The following TCF12 variants were observed in gnomAD, a reference collection of about 807,000 sequenced individuals.
TCF12 encodes the protein transcription factor 12, also known as DNA-binding protein HTF4.
A neutral mutation model predicts 86.0 loss-of-function variants in TCF12; 45 were observed. The observed-to-expected ratio is 0.52, with a 90% CI of 0.41 to 0.67. The LOEUF (loss-of-function observed/expected upper bound fraction) is 0.67. Among genes scored for constraint, TCF12 ranks in the 30% least tolerant of loss-of-function variants. The pLI, the probability that TCF12 is intolerant of heterozygous loss-of-function variation, is 0.00. For missense variants in TCF12, 881 were observed against 859.9 expected (o/e 1.02, Z -0.31); for synonymous variants, 330 against 299.6 (o/e 1.10, Z -1.05).
chr15:57,251,014 G>C (rs1028149819), intron 13 of TCF12, among the ~76,000 whole-genome samples: 5 of 151,424 alleles, frequency 3.3e-5, no homozygotes, highest in Admixed American at 6.7e-5. Context: ...GCTATAGGAA[G>C]GGGGACAGAA....
rs1729473174 is a variant in TCF12, at chr15:57,286,363, A to G, written c.*218A>G. On this transcript the variant is annotated 3_prime_UTR_variant, in exon 21 of 21. Coordinates refer to ENST00000333725, the MANE Select transcript of TCF12 (RefSeq NM_207037.2). ...AGATAGGAAGCTCATCAGATAGAAC[A>G]TCAGCCCATGAGATGTTTGCAACAA... is the stretch of plus-strand genomic sequence containing the variant. 4.3e-6 allele frequency: 1 copy of G among 232,586 alleles called. No individual in the cohort carries two copies. Among genetic ancestry groups the G allele is most frequent in the Admixed American group, 5.3e-5 (1 of 19,026 alleles). The allele number at this position is 232,586 out of a possible 1,614,324, so 14.4% of individuals were successfully genotyped here. A position where few individuals can be genotyped will look rare whatever the true frequency, so the allele number is the denominator to read the frequency against.
intron 5 of TCF12, among the ~76,000 whole-genome samples, chr15:57,110,017 A>G (rs1435328704): frequency 7.2e-6 from 1 of 138,716 alleles, no homozygotes; most frequent in Admixed American, 7.0e-5. Flanking sequence ...AGATCATTTA[A>G]TGTCGTAGGA....
At chr15:56,922,059 G>A (rs1400007593) in intron 3 of TCF12, among the ~76,000 whole-genome samples, 7 of 151,892 alleles carry the variant, frequency 4.6e-5, no homozygotes, top group African/African-American at 1.4e-4. Context: ...ATCATGAAAC[G>A]ATAGGCAAGT....
chr15:57,128,927 T>G (rs982692289), intron 5 of TCF12, among the ~76,000 whole-genome samples: 4 of 152,252 alleles, frequency 2.6e-5, no homozygotes, highest in Admixed American at 1.3e-4. Flanking sequence ...TATTTATCTG[T>G]TCATCAGTTG....
chr15:57,260,616 T>TA (rs1891584771), intron 16 of TCF12, among the ~76,000 whole-genome samples: 1 of 152,202 alleles, frequency 6.6e-6, no homozygotes, highest in Non-Finnish European at 1.5e-5. Context: ...TACTTTAACT[T>TA]ACAATTATTT....
chr15:56,946,740 G>T (rs2061014342), intron 3 of TCF12, among the ~76,000 whole-genome samples: 1 of 150,682 alleles, frequency 6.6e-6, no homozygotes, highest in Admixed American at 6.6e-5. Context: ...AGTTATTAGG[G>T]ATCAACTCAG....
rs189353295 is a variant in TCF12 at position 57,096,563 on chromosome 15, A to T, written c.325+4672A>T. On this transcript the variant is annotated intron_variant, in intron 5 of 20. Transcript: ENST00000333725. ...TATAGTTTTTGCATATAACCCACAC[A>T]TATCCTCCTGTATACTTTAAATCAT... Among the ~76,000 whole-genome samples the T allele has an allele frequency of 7.9e-5, 12 of 152,274 alleles. No individual in the cohort carries two copies. In the East Asian group the frequency reaches 2.1e-3, roughly 27 times the overall value.
chr15:57,184,675 G>A (rs2151665380), intron 6 of TCF12, among the ~76,000 whole-genome samples: 1 of 152,196 alleles, frequency 6.6e-6, no homozygotes, highest in African/African-American at 2.4e-5. Context: ...GTAATAATAT[G>A]TTCCATCTAG....
intron 3 of TCF12, among the ~76,000 whole-genome samples, chr15:56,937,178 G>A (rs574342708): frequency 7.2e-5 from 11 of 152,144 alleles, no homozygotes; most frequent in African/African-American, 2.2e-4. Context: ...CCTTGTAGAC[G>A]TCCTTTACCT....
chr15:56,973,899 A>T (rs2062467276), intron 3 of TCF12, among the ~76,000 whole-genome samples: 1 of 152,090 alleles, frequency 6.6e-6, no homozygotes, highest in African/African-American at 2.4e-5. Context: ...AAAATCTAAA[A>T]CCTGAATCTA....
chr15:57,249,602 TTAAA>T (rs1348606175), intron 13 of TCF12, among the ~76,000 whole-genome samples: 3 of 152,162 alleles, frequency 2.0e-5, no homozygotes, highest in Non-Finnish European at 2.9e-5. Flanking sequence ...TGTTTCATAA[TTAAA>T]TAGTCTTGTT....
In TCF12 at chr15:57,086,590, A is replaced by G. The variant is rs75201584; in HGVS notation, c.223-5199A>G. Among the ~76,000 whole-genome samples the G allele has an allele frequency of 5.0e-3, 765 of 151,742 alleles. 19 individuals carry two copies. The East Asian group carries it at 0.073, about 14-fold the overall frequency. ...ATAAGTAGGAGCCGTGCAATGATGG[A>G]GTGCTCACTGCTGTGGGAGCACAGA... On this transcript the variant is annotated intron_variant, in intron 4 of 20. Coordinates refer to ENST00000333725, the MANE Select transcript of TCF12 (RefSeq NM_207037.2).
rs77553243 is a variant in TCF12, at chr15:57,169,462, A to G, written c.390+2996A>G. Among the ~76,000 whole-genome samples the G allele has an allele frequency of 4.9e-3, 743 of 152,344 alleles. 17 individuals are homozygous for G. The East Asian group carries it at 0.062, about 13-fold the overall frequency. On this transcript the variant is annotated intron_variant, in intron 6 of 20. Coordinates refer to ENST00000333725, the MANE Select transcript of TCF12 (RefSeq NM_207037.2). ...AAGTCCCATCTCTGCACTGATTTCT[A>G]TCTGAAAGATAGGATTAGCCATTTC...
At chr15:56,952,460 AT>A (rs1192848936) in intron 3 of TCF12, among the ~76,000 whole-genome samples, 1 of 152,056 alleles carries the variant, frequency 6.6e-6, no homozygotes, top group Non-Finnish European at 1.5e-5. Context: ...ATTCCATAAA[AT>A]TTATAGATCA....
chr15:57,035,905 C>A (rs757326346), intron 3 of TCF12, among the ~76,000 whole-genome samples: 1 of 152,182 alleles, frequency 6.6e-6, no homozygotes, highest in Non-Finnish European at 1.5e-5. Flanking sequence ...CCTCCCAGAT[C>A]AGCAGCGGCA....
chr15:56,972,021 A>G (rs1168322913), intron 3 of TCF12, among the ~76,000 whole-genome samples: 10 of 152,228 alleles, frequency 6.6e-5, no homozygotes, highest in East Asian at 3.8e-4. Flanking sequence ...TCTTACGAAT[A>G]TACTAAAAAC....
intron 19 of TCF12, among the ~76,000 whole-genome samples, chr15:57,280,611 G>T (rs1347942268): frequency 6.6e-6 from 1 of 152,128 alleles, no homozygotes; most frequent in Non-Finnish European, 1.5e-5. Context: ...GGCACTTGCT[G>T]GTAGTCCCAG....
rs78577427 is a variant in TCF12, at chr15:57,001,946, C to T, written c.149-61804C>T. ...GTTACAACAACCCTTACATAACTGT[C>T]CGGATTGAAGGAGAGCATGAAACTT... On this transcript the variant is annotated intron_variant, in intron 3 of 20. Coordinates refer to ENST00000333725, the MANE Select transcript of TCF12 (RefSeq NM_207037.2). 9.1e-4 allele frequency among the ~76,000 whole-genome samples: 138 copies of T among 152,220 alleles called. 2 individuals carry two copies. The East Asian group carries it at 0.015, about 17-fold the overall frequency.
At chr15:57,203,291 C>T (rs1413135350) in intron 8 of TCF12, among the ~76,000 whole-genome samples, 2 of 152,066 alleles carry the variant, frequency 1.3e-5, no homozygotes, top group Admixed American at 6.6e-5. Flanking sequence ...ACTCGTTGAA[C>T]ATCTTTATGG....
Sources: gnomAD v4.1 joint callset for allele counts (sites outside exome capture counted in the v4.1 genomes callset) on GRCh38, gnomAD v4.1.1 for gene constraint, MANE v1.5 for transcripts, NCBI Gene and HGNC (gene_info 2026-07-23, HGNC 2026-07-21) for gene names.